Variants in NQO1 observed in about 807,000 individuals in gnomAD.
The protein encoded by NQO1 is NAD(P)H dehydrogenase [quinone] 1.
Under a neutral mutation model 32.1 loss-of-function variants are expected in NQO1, and 30 were observed. That is an observed-to-expected ratio of 0.94 (90% confidence interval 0.70 to 1.27). The LOEUF (loss-of-function observed/expected upper bound fraction) is 1.27. NQO1 is among the 50% of genes most tolerant of loss of function. NQO1 has a pLI of 0.00. For missense variants in NQO1, 276 were observed against 331.3 expected, an observed-to-expected ratio of 0.83 and a Z score of 1.30; for synonymous variants, 109 against 119.7, an observed-to-expected ratio of 0.91 and a Z score of 0.59.
chr16:69,718,033 A>G, intron 3 of NQO1, 90 bp downstream of exon 3: 1 of 1,527,786 alleles, frequency 6.5e-7, no homozygotes. Flanking sequence ...AAAGTGGGTA[A>G]CTGTTTAAGA....
chr16:69,718,678 G>T, intron 1 of NQO1, 144 bp from the exon 2 acceptor site: 1 of 730,836 alleles, frequency 1.4e-6, no homozygotes, highest in South Asian at 1.9e-5. Context: ...AGCCAGAAAT[G>T]TATTTTCCCC....
intron 1 of NQO1, among the ~76,000 whole-genome samples, chr16:69,721,052 T>TC (rs1256329996): frequency 4.0e-5 from 6 of 151,224 alleles, no homozygotes; most frequent in Non-Finnish European, 8.9e-5. Context: ...AATTTTTTTT[T>TC]TTTTTTTGTA....
At position 69,726,510 on chromosome 16, in the gene NQO1, GCT is replaced by G; in HGVS notation, c.-73_-72del. On this transcript the variant is annotated 5_prime_UTR_variant, in exon 1 of 6. Coordinates refer to ENST00000320623, the MANE Select transcript of NQO1 (RefSeq NM_000903.3). ...CCGGGGCGACCCTGGCCGGAACTAGGCTCTCGGTGAGCTGGGCGGCTCCGGCT... is the reference window on the plus strand; with the variant it reads ...CCGGGGCGACCCTGGCCGGAACTAGGCTCGGTGAGCTGGGCGGCTCCGGCT... 6.3e-7 allele frequency: 1 copy of G among 1,586,964 alleles called. No homozygotes were observed. Among genetic ancestry groups the G allele is most frequent in the Admixed American group, 1.8e-5 (1 of 56,350 alleles).
Position 69,709,746 on chromosome 16 carries a change from A to G in NQO1, c.*1230T>C, listed in dbSNP as rs1216966209. The G allele has an allele frequency of 2.5e-6, 1 of 398,442 alleles. No individual in the cohort carries two copies. The highest frequency in any genetic ancestry group is 4.4e-6 in the Non-Finnish European group (1 of 226,056). 24.7% of individuals were successfully genotyped at this position (398,442 alleles called of 1,614,324 possible). On this transcript the variant is annotated 3_prime_UTR_variant, in exon 6 of 6. Coordinates refer to ENST00000320623, the MANE Select transcript of NQO1 (RefSeq NM_000903.3). Reference sequence around the variant, plus strand: ...TATATAATACCAACAGTGGAATGAGATGACTTCCAGAAGTAGAAATTGACT... The same window carrying G: ...TATATAATACCAACAGTGGAATGAGGTGACTTCCAGAAGTAGAAATTGACT...
rs1376853740 is a variant in NQO1 at position 69,709,784 on chromosome 16, CTG to C, written c.*1190_*1191del. ...GTAGAAATTGACTATTATGCCAAAA[CTG>C]TTCACCAAAGTTGATAAAACTCTAG... On this transcript the variant is annotated 3_prime_UTR_variant, in exon 6 of 6. Transcript: ENST00000320623. The C allele has an allele frequency of 2.5e-6, 1 of 398,580 alleles. No homozygotes were observed. Among genetic ancestry groups the C allele is most frequent in the Non-Finnish European group, 4.4e-6 (1 of 226,066 alleles). The allele number at this position is 398,580 out of a possible 1,614,324, so 24.7% of individuals were successfully genotyped here. A position where few individuals can be genotyped will look rare whatever the true frequency, so the allele number is the denominator to read the frequency against.
chr16:69,726,534 G>A lies in NQO1; in HGVS notation c.-95C>T, dbSNP rs2038267552. ...GGCTCTCGGTGAGCTGGGCGGCTCCGGCTGCAACCTTGTGGGAGTCGCGTG... is the reference window on the plus strand; with the variant it reads ...GGCTCTCGGTGAGCTGGGCGGCTCCAGCTGCAACCTTGTGGGAGTCGCGTG... On this transcript the variant is annotated 5_prime_UTR_variant, in exon 1 of 6. Transcript: ENST00000320623. 2.6e-6 allele frequency: 4 copies of A among 1,543,532 alleles called. No individual in the cohort carries two copies. Among genetic ancestry groups the A allele is most frequent in the Non-Finnish European group, 2.6e-6 (3 of 1,142,442 alleles).
chr16:69,720,689 C>T (rs939532626), intron 1 of NQO1, among the ~76,000 whole-genome samples: 1 of 151,916 alleles, frequency 6.6e-6, no homozygotes, highest in African/African-American at 2.4e-5. Flanking sequence ...AGCCACCGTG[C>T]CAGGCCAATC....
At chr16:69,723,113 CG>C (rs1567635254) in intron 1 of NQO1, among the ~76,000 whole-genome samples, 1 of 152,122 alleles carries the variant, frequency 6.6e-6, no homozygotes, top group African/African-American at 2.4e-5. Context: ...TTAGTAGAGA[CG>C]GGGTTTCACC....
chr16:69,714,879 C>CAAAA lies in NQO1; in HGVS notation c.417+84_417+85insTTTT, dbSNP rs2038092274. 5.4e-5 allele frequency: 48 copies of CAAAA among 883,352 alleles called. No homozygotes were observed. In the South Asian group the frequency reaches 5.6e-4, roughly 10 times the overall value. The allele number at this position is 883,352 out of a possible 1,614,324, so 54.7% of individuals were successfully genotyped here. On this transcript the variant is annotated intron_variant, in intron 4 of 5. Coordinates refer to ENST00000320623, the MANE Select transcript of NQO1 (RefSeq NM_000903.3). ...GGGCAACAAGAGGGAAGCTCCATCT[C>CAAAA]AAACAAACAAACAAACAAACACCCC...
chr16:69,718,578 A>C, intron 1 of NQO1, 44 bp from the exon 2 acceptor site: 1 of 1,595,182 alleles, frequency 6.3e-7, no homozygotes, highest in East Asian at 2.2e-5. Context: ...CCCATTACCA[A>C]CCAGCAAACC....
rs2038141746 is a variant in NQO1, at chr16:69,718,259, G to C, written c.173-6C>G. The C allele has an allele frequency of 6.2e-7, 1 of 1,613,786 alleles. No homozygotes were observed. Among genetic ancestry groups the C allele is most frequent in the African/African-American group, 1.3e-5 (1 of 74,886 alleles). On this transcript the variant is annotated splice_polypyrimidine_tract_variant and splice_region_variant and intron_variant, in intron 2 of 5. Transcript: ENST00000320623. ...CGCAGGGTCCTTCAGTTTACCTGCA[G>C]AGAAGAAAAAGAGAGGCTGGGGCCA...
At chr16:69,717,858 G>T in intron 3 of NQO1, 1 of 375,294 alleles carries the variant, frequency 2.7e-6, no homozygotes, top group Non-Finnish European at 5.0e-6. Flanking sequence ...TGATTCACCT[G>T]CCTTGGCCTC....
chr16:69,721,532 T>C (rs972108403), intron 1 of NQO1, among the ~76,000 whole-genome samples: 1 of 152,134 alleles, frequency 6.6e-6, no homozygotes, highest in Non-Finnish European at 1.5e-5. Context: ...TTTTATTAAC[T>C]ACCTAGTCCC....
rs760060024 is a variant in NQO1 at position 69,711,280 on chromosome 16, C to T, written c.521G>A (p.Ser174Asn). ...GAAGCCACAGAAATGCAGAATGCCACTCTGAGGATACAGAAAGCACAGAGA... is the reference window on the plus strand; with the variant it reads ...GAAGCCACAGAAATGCAGAATGCCATTCTGAGGATACAGAAAGCACAGAGA... ...DMNVILWPIQ[S>N]GILHFCGFQV... Residue 174 changes from serine (S) to asparagine (N), a missense_variant and splice_region_variant, in exon 6 of 6, where the codon AGT (serine) becomes AAT (asparagine). Physicochemically the swap from Ser to Asn is conservative, Grantham distance 46. Coordinates refer to ENST00000320623, the MANE Select transcript of NQO1 (RefSeq NM_000903.3). The T allele has an allele frequency of 1.2e-6, 2 of 1,604,828 alleles. No individual in the cohort carries two copies. Among genetic ancestry groups the T allele is most frequent in the Admixed American group, 1.7e-5 (1 of 59,564 alleles).
intron 1 of NQO1, among the ~76,000 whole-genome samples, chr16:69,724,822 T>C (rs1204477762): frequency 1.3e-5 from 2 of 152,220 alleles, no homozygotes; most frequent in African/African-American, 4.8e-5. Flanking sequence ...ATGCATCTAT[T>C]AGTTGCAAAC....
intron 5 of NQO1, among the ~76,000 whole-genome samples, 180 bp downstream of exon 5, chr16:69,712,848 A>C (rs1248878823): frequency 2.6e-5 from 4 of 152,166 alleles, no homozygotes; most frequent in Non-Finnish European, 4.4e-5. Context: ...CTACTAAAAA[A>C]TACAAAAATT....
Position 69,715,361 on chromosome 16 carries a change from A to G in NQO1, c.304-284T>C, listed in dbSNP as rs146010556. Among the ~76,000 whole-genome samples the G allele has an allele frequency of 7.2e-4, 110 of 152,382 alleles. No individual in the cohort carries two copies. In the Middle Eastern group the frequency reaches 0.017, roughly 24 times the overall value. The stretch of plus-strand genomic sequence containing the variant: ...TTGATATGAAACTTGTTTGTATGAA[A>G]TCACATTTGGCAGCAAAGTCTAAAT... On this transcript the variant is annotated intron_variant, in intron 3 of 5. Transcript: ENST00000320623.
At position 69,711,264 on chromosome 16, in the gene NQO1, G is replaced by GA. The variant is rs1483951512; in HGVS notation, c.536dup (p.Cys180LeufsTer13). On this transcript the variant is annotated frameshift_variant, in exon 6 of 6. Transcript: ENST00000320623. LOFTEE classifies it high-confidence loss of function. ...GAGGTTCTAAGACTTGGAAGCCACA[G>GA]AAATGCAGAATGCCACTCTGAGGAT... is the stretch of plus-strand genomic sequence containing the variant. 6.2e-7 allele frequency: 1 copy of GA among 1,608,232 alleles called. No homozygotes were observed. The highest frequency in any genetic ancestry group is 8.5e-7 in the Non-Finnish European group (1 of 1,175,294).
chr16:69,725,974 C>G lies in NQO1; in HGVS notation c.7+459G>C, dbSNP rs556588783. ...ACCAAAGGCATCAGTTTCCTCCACT[C>G]CTGTCCACCAATCGCCAGATATTCT... On this transcript the variant is annotated intron_variant, in intron 1 of 5. Coordinates refer to ENST00000320623, the MANE Select transcript of NQO1 (RefSeq NM_000903.3). Among the ~76,000 whole-genome samples, 26 of 152,358 alleles carry G rather than the reference C, an allele frequency of 1.7e-4. No individual in the cohort carries two copies. The South Asian group carries it at 5.2e-3, about 30-fold the overall frequency.
Sources: allele counts gnomAD v4.1 joint callset (sites outside exome capture counted in the v4.1 genomes callset), GRCh38; gene constraint gnomAD v4.1.1; transcripts MANE v1.5; gene names NCBI Gene and HGNC (gene_info 2026-07-23, HGNC 2026-07-21).